COL25A1: variants seen among roughly 807,000 people sequenced by gnomAD.
COL25A1 encodes the protein collagen type XXV alpha 1 chain, also known as collagen alpha-1(XXV) chain.
In COL25A1, 103 loss-of-function variants were observed where a neutral mutation model predicts 128.4. That is an observed-to-expected ratio of 0.80 (90% CI 0.68 to 0.94). COL25A1 has a LOEUF of 0.94. Ranked by LOEUF, COL25A1 falls within the 40% of genes least tolerant of loss-of-function variation. The probability of loss-of-function intolerance (pLI) is 0.00; values close to 1 mark genes in which losing one functional copy is unlikely to be tolerated. For missense variants in COL25A1, 745 were observed against 840.0 expected, an observed-to-expected ratio of 0.89 and a Z score of 1.40; for synonymous variants, 279 against 277.2, an observed-to-expected ratio of 1.01 and a Z score of -0.06.
chr4:108,935,780 T>C (rs530071076), intron 11 of COL25A1, among the ~76,000 whole-genome samples: 63 of 152,340 alleles, frequency 4.1e-4, no homozygotes, highest in African/African-American at 1.5e-3. Flanking sequence ...TGAGATTATA[T>C]TGTTATTCAC....
intron 31 of COL25A1, among the ~76,000 whole-genome samples, chr4:108,833,000 T>TAAATAAATAAATAAATAAATAAATAAAG (rs1336061670): frequency 6.6e-5 from 10 of 151,870 alleles, no homozygotes; most frequent in Non-Finnish European, 1.3e-4. Flanking sequence ...AATAAATAAA[T>TAAATAAATAAATAAATAAATAAATAAAG]AAAGCATCTT....
intron 3 of COL25A1, among the ~76,000 whole-genome samples, chr4:109,091,466 G>C (rs1304466677): frequency 6.6e-6 from 1 of 152,088 alleles, no homozygotes; most frequent in Non-Finnish European, 1.5e-5. Flanking sequence ...TTCTTTCTGA[G>C]ATGTCCTATG....
chr4:109,178,014 G>A (rs184336578), intron 3 of COL25A1, among the ~76,000 whole-genome samples: 11 of 152,236 alleles, frequency 7.2e-5, no homozygotes, highest in African/African-American at 7.2e-5. Context: ...ATCTATTTTC[G>A]TCCATTATAA....
intron 14 of COL25A1, 58 bp from the exon 15 acceptor site, chr4:108,899,238 T>C: frequency 6.7e-7 from 1 of 1,482,058 alleles, no homozygotes; most frequent in Non-Finnish European, 9.3e-7. Flanking sequence ...AATTTTATTA[T>C]CATTATTAAA....
intron 19 of COL25A1, among the ~76,000 whole-genome samples, chr4:108,883,203 A>G (rs1263494502): frequency 6.6e-6 from 1 of 151,592 alleles, no homozygotes; most frequent in Non-Finnish European, 1.5e-5. Flanking sequence ...TTTTTTTTGT[A>G]TTTTTCATAG....
At chr4:109,300,810 C>T (rs928140396) in intron 2 of COL25A1, among the ~76,000 whole-genome samples, 158 bp from the exon 3 acceptor site, 8 of 152,098 alleles carry the variant, frequency 5.3e-5, no homozygotes, top group Non-Finnish European at 8.8e-5. Context: ...AGTAACCATG[C>T]CTAAGTCCTA....
In COL25A1 at chr4:108,837,515, A is replaced by T. The variant is rs566640482; in HGVS notation, c.1656+4180T>A. On this transcript the variant is annotated intron_variant, in intron 31 of 37. Coordinates refer to ENST00000399132, the MANE Select transcript of COL25A1 (RefSeq NM_198721.4). Reference sequence around the variant, plus strand: ...CTTCATTAAAAATAAAAATCTCTAAACAACTGCAAAATACTTCTTTTATAC... The same window carrying T: ...CTTCATTAAAAATAAAAATCTCTAATCAACTGCAAAATACTTCTTTTATAC... 5.3e-5 allele frequency among the ~76,000 whole-genome samples: 8 copies of T among 152,326 alleles called. No homozygotes were observed. In the South Asian group the frequency reaches 1.7e-3, roughly 32 times the overall value.
chr4:109,037,540 C>T (rs1759466979), intron 5 of COL25A1, among the ~76,000 whole-genome samples: 2 of 152,230 alleles, frequency 1.3e-5, no homozygotes, highest in South Asian at 4.1e-4. Context: ...ATTTCTTTTA[C>T]ATAGGTTCCA....
chr4:109,081,711 T>C (rs1337188303), intron 3 of COL25A1, among the ~76,000 whole-genome samples: 1 of 143,216 alleles, frequency 7.0e-6, no homozygotes, highest in African/African-American at 2.8e-5. Context: ...TTTTCTTTTA[T>C]TTTTTTTTTT....
chr4:109,155,136 G>A (rs1771907331), intron 3 of COL25A1, among the ~76,000 whole-genome samples: 1 of 152,098 alleles, frequency 6.6e-6, no homozygotes, highest in African/African-American at 2.4e-5. Context: ...TCTGGTCAAG[G>A]GAGCATAAAG....
intron 3 of COL25A1, among the ~76,000 whole-genome samples, chr4:109,299,375 T>C (rs1314384976): frequency 2.0e-5 from 3 of 152,208 alleles, no homozygotes; most frequent in Admixed American, 6.5e-5. Context: ...ACTCTGTTTT[T>C]CTGGTACCTA....
intron 3 of COL25A1, among the ~76,000 whole-genome samples, chr4:109,077,416 T>C (rs1319086610): frequency 6.6e-6 from 1 of 152,104 alleles, no homozygotes; most frequent in Non-Finnish European, 1.5e-5. Context: ...TTCCATCTAT[T>C]GCCTCTTCCC....
chr4:108,859,524 A>C (rs1346617821), intron 24 of COL25A1, 132 bp downstream of exon 24: 1 of 596,080 alleles, frequency 1.7e-6, no homozygotes, highest in Non-Finnish European at 2.9e-6. Flanking sequence ...TCTTGAGAAC[A>C]GGGAGAAGGG....
intron 3 of COL25A1, among the ~76,000 whole-genome samples, chr4:109,216,553 G>C (rs890877407): frequency 6.6e-6 from 1 of 152,098 alleles, no homozygotes; most frequent in African/African-American, 2.4e-5. Context: ...AAAAAGAAAA[G>C]AGACTCAGAC....
intron 3 of COL25A1, among the ~76,000 whole-genome samples, chr4:109,159,239 C>T (rs1772326446): frequency 6.6e-6 from 1 of 150,918 alleles, no homozygotes; most frequent in South Asian, 2.1e-4. Flanking sequence ...AAAATATGCT[C>T]CAGTACAAGG....
intron 23 of COL25A1, among the ~76,000 whole-genome samples, chr4:108,860,680 T>C (rs755025232): frequency 6.6e-6 from 1 of 152,056 alleles, no homozygotes; most frequent in Non-Finnish European, 1.5e-5. Flanking sequence ...AGAGGGAAAG[T>C]AGACAGGGGG....
chr4:108,835,983 T>C (rs1733763797), intron 31 of COL25A1, among the ~76,000 whole-genome samples: 1 of 147,542 alleles, frequency 6.8e-6, no homozygotes, highest in Non-Finnish European at 1.5e-5. Flanking sequence ...GCCATTCTCC[T>C]GCCTCAGCCT....
intron 8 of COL25A1, among the ~76,000 whole-genome samples, chr4:108,951,595 A>G (rs972123837): frequency 2.6e-5 from 4 of 151,866 alleles, no homozygotes; most frequent in African/African-American, 9.7e-5. Context: ...CATGTTGGCC[A>G]GGTGGGTCTC....
At position 108,809,428 on chromosome 4, in the gene COL25A1, A is replaced by G. The variant is rs1730626348; in HGVS notation, c.*4499T>C. The G allele has an allele frequency of 1.3e-5, 2 of 152,088 alleles. No homozygotes were observed. Among genetic ancestry groups the G allele is most frequent in the African/African-American group, 4.8e-5 (2 of 41,462 alleles). The allele number at this position is 152,088 out of a possible 1,614,324, so 9.4% of individuals were successfully genotyped here. A position where few individuals can be genotyped will look rare whatever the true frequency, so the allele number is the denominator to read the frequency against. On this transcript the variant is annotated 3_prime_UTR_variant, in exon 38 of 38. Coordinates refer to ENST00000399132, the MANE Select transcript of COL25A1 (RefSeq NM_198721.4). ...TGTAAGACATTCTTTTGTGAATCCA[A>G]TTCGTTAATATTTCTGAGATAGGTA... is the stretch of plus-strand genomic sequence containing the variant.
Sources: gnomAD v4.1 joint callset for allele counts (sites outside exome capture counted in the v4.1 genomes callset) on GRCh38, gnomAD v4.1.1 for gene constraint, MANE v1.5 for transcripts, NCBI Gene and HGNC (gene_info 2026-07-23, HGNC 2026-07-21) for gene names.